The following AGPAT3 variants were observed in gnomAD, a reference collection of about 807,000 sequenced individuals.
AGPAT3 encodes 1-acylglycerol-3-phosphate O-acyltransferase 3.
Under a neutral mutation model 47.3 loss-of-function variants are expected in AGPAT3, and 5 were observed. That is an observed-to-expected ratio of 0.11 (90% CI 0.06 to 0.22). The LOEUF is 0.22. Ranked by LOEUF, AGPAT3 falls within the 10% of genes least tolerant of loss-of-function variation. The pLI, the probability that AGPAT3 is intolerant of heterozygous loss-of-function variation, is 1.00. For synonymous variants in AGPAT3, 212 were observed against 208.3 expected (o/e 1.02, Z -0.15); for missense variants, 315 against 493.0 (o/e 0.64, Z 3.42).
At chr21:43,961,284 G>A (rs945882745) in intron 3 of AGPAT3, among the ~76,000 whole-genome samples, 1 of 152,232 alleles carries the variant, frequency 6.6e-6, no homozygotes, top group African/African-American at 2.4e-5. Context: ...TTGCATGAGC[G>A]CATAGACACT....
chr21:43,959,892 GGGGCT>G, intron 3 of AGPAT3, 33 bp downstream of exon 3: 1 of 1,573,692 alleles, frequency 6.4e-7, no homozygotes, highest in Non-Finnish European at 8.6e-7. Context: ...CCTGCCGCCT[GGGGCT>G]CCCGTGGGGG....
intron 2 of AGPAT3, among the ~76,000 whole-genome samples, chr21:43,906,461 A>T (rs1212374232): frequency 4.6e-5 from 7 of 152,182 alleles, no homozygotes; most frequent in Admixed American, 4.6e-4. Flanking sequence ...TCAATTGGTT[A>T]TCAGAGAAAC....
chr21:43,959,724 C>T lies in AGPAT3; in HGVS notation c.43C>T (p.Leu15=). ...CCTGAAGACCCAGTTCGTGCTGCAC[C>T]TGCTGGTCGGCTTTGTCTTCGTGGT... ...AFLKTQFVLH[L]LVGFVFVVSG... Residue 15 remains leucine (L), a synonymous_variant, in exon 3 of 10, where the codon CTG becomes TTG. Transcript: ENST00000291572. 1.9e-6 allele frequency: 3 copies of T among 1,613,846 alleles called. No individual in the cohort carries two copies.
chr21:43,940,837 C>T (rs541762042), intron 2 of AGPAT3, among the ~76,000 whole-genome samples: 8 of 152,216 alleles, frequency 5.3e-5, no homozygotes, highest in Non-Finnish European at 1.0e-4. Flanking sequence ...GACCAGAGTC[C>T]GTGCCGGCTC....
At chr21:43,899,120 C>A (rs1051353427) in intron 1 of AGPAT3, among the ~76,000 whole-genome samples, 2 of 152,070 alleles carry the variant, frequency 1.3e-5, no homozygotes, top group Non-Finnish European at 2.9e-5. Context: ...TTGAAGTGCA[C>A]GTACATGAGA....
chr21:43,865,941 G>T (rs1205537436), intron 1 of AGPAT3, among the ~76,000 whole-genome samples: 18 of 152,074 alleles, frequency 1.2e-4, no homozygotes, highest in Non-Finnish European at 2.4e-4. Flanking sequence ...CTGTGGGTTC[G>T]GCCCGGAGAC....
intron 2 of AGPAT3, among the ~76,000 whole-genome samples, chr21:43,923,824 A>G (rs2086969307): frequency 6.6e-6 from 1 of 152,062 alleles, no homozygotes; most frequent in African/African-American, 2.4e-5. Flanking sequence ...CATGTGGGTG[A>G]GTTCACCACC....
chr21:43,968,493 G>T (rs1310303790), intron 4 of AGPAT3, among the ~76,000 whole-genome samples: 1 of 151,778 alleles, frequency 6.6e-6, no homozygotes, highest in Non-Finnish European at 1.5e-5. Flanking sequence ...CAGAGGAGCT[G>T]GGAGAGCCTT....
intron 2 of AGPAT3, among the ~76,000 whole-genome samples, chr21:43,915,200 C>T (rs773879898): frequency 1.2e-4 from 18 of 151,188 alleles, no homozygotes; most frequent in East Asian, 3.9e-4. Flanking sequence ...TACAGGTGCG[C>T]GCCACCATGC....
At chr21:43,943,899 C>T (rs948295484) in intron 2 of AGPAT3, among the ~76,000 whole-genome samples, 3 of 152,240 alleles carry the variant, frequency 2.0e-5, no homozygotes, top group African/African-American at 7.2e-5. Context: ...CGTTCCGCCG[C>T]CTAAACCACT....
intron 7 of AGPAT3, among the ~76,000 whole-genome samples, chr21:43,974,664 T>C (rs1358178267): frequency 6.6e-6 from 1 of 151,704 alleles, no homozygotes; most frequent in Admixed American, 6.6e-5. Flanking sequence ...ATTATAAATG[T>C]GTGTGTGGTG....
intron 2 of AGPAT3, among the ~76,000 whole-genome samples, chr21:43,917,919 AG>A (rs1329930404): frequency 3.7e-5 from 1 of 27,134 alleles, no homozygotes; most frequent in Non-Finnish European, 6.1e-5. Context: ...TGGGTGTTGT[AG>A]GGGGTGTGGG....
At chr21:43,911,630 G>A (rs768283828) in intron 2 of AGPAT3, among the ~76,000 whole-genome samples, 10 of 152,218 alleles carry the variant, frequency 6.6e-5, no homozygotes, top group African/African-American at 1.9e-4. Context: ...TAGGTGCTCC[G>A]TGGCCTGGGC....
intron 7 of AGPAT3, among the ~76,000 whole-genome samples, chr21:43,973,781 T>A (rs760197415): frequency 1.3e-5 from 2 of 152,140 alleles, no homozygotes; most frequent in Non-Finnish European, 2.9e-5. Flanking sequence ...TCTTTCCTCC[T>A]GCTTTGGTGG....
intron 2 of AGPAT3, among the ~76,000 whole-genome samples, chr21:43,918,326 G>C (rs1209436206): frequency 1.3e-5 from 2 of 151,946 alleles, no homozygotes. Flanking sequence ...TCTAGAGGTA[G>C]CCACCTGGTG....
intron 2 of AGPAT3, among the ~76,000 whole-genome samples, chr21:43,949,725 TC>T (rs2088092510): frequency 6.6e-6 from 1 of 152,266 alleles, no homozygotes; most frequent in African/African-American, 2.4e-5. Context: ...TTCAAGATGT[TC>T]TGTGGTTTCC....
intron 1 of AGPAT3, among the ~76,000 whole-genome samples, chr21:43,891,640 A>C (rs1438076218): frequency 6.6e-6 from 1 of 151,994 alleles, no homozygotes; most frequent in Non-Finnish European, 1.5e-5. Context: ...CTAAACAAAA[A>C]AAAAAAAAGG....
At chr21:43,975,285 A>G (rs1368802515) in intron 7 of AGPAT3, among the ~76,000 whole-genome samples, 3 of 133,132 alleles carry the variant, frequency 2.3e-5, no homozygotes, top group African/African-American at 8.9e-5. Context: ...GGCGTGTGGT[A>G]TGTTTTGGTG....
intron 1 of AGPAT3, among the ~76,000 whole-genome samples, chr21:43,873,437 G>A (rs2085666022): frequency 6.6e-6 from 1 of 152,194 alleles, no homozygotes; most frequent in African/African-American, 2.4e-5. Flanking sequence ...GTACCTGGAA[G>A]GAGAACACAG....
Sources: allele counts gnomAD v4.1 joint callset (sites outside exome capture counted in the v4.1 genomes callset), GRCh38; gene constraint gnomAD v4.1.1; transcripts MANE v1.5; gene names NCBI Gene and HGNC (gene_info 2026-07-23, HGNC 2026-07-21).